GATA4: variants seen among roughly 807,000 people sequenced by gnomAD.
GATA4 encodes transcription factor GATA-4.
Under a neutral mutation model 37.9 loss-of-function variants are expected in GATA4, and 7 were observed. That is an observed-to-expected ratio of 0.18 (90% CI 0.11 to 0.35). The LOEUF (loss-of-function observed/expected upper bound fraction) is 0.35, where lower values mean the gene tolerates loss of function less well. Ranked by LOEUF, GATA4 falls within the 10% of genes least tolerant of loss-of-function variation. GATA4 has a pLI of 1.00. For missense variants in GATA4, 647 were observed against 653.0 expected, an observed-to-expected ratio of 0.99 and a Z score of 0.10; for synonymous variants, 372 against 292.6, an observed-to-expected ratio of 1.27 and a Z score of -2.77.
intron 2 of GATA4, among the ~76,000 whole-genome samples, chr8:11,711,694 A>G (rs1008170021): frequency 6.2e-5 from 9 of 146,012 alleles, no homozygotes; most frequent in African/African-American, 2.3e-4. Context: ...GGAGGCTCAC[A>G]TGAGCCCGAG....
chr8:11,748,880 C>T, intron 2 of GATA4, 36 bp from the exon 3 acceptor site: 7 of 1,610,214 alleles, frequency 4.3e-6, no homozygotes, highest in Non-Finnish European at 6.0e-6. Flanking sequence ...AGAATTAATC[C>T]TCTGTGTCTT....
upstream of GATA4, chr8:11,691,882 A>G (rs577924629): frequency 1.3e-3 from 334 of 265,872 alleles, 2 homozygotes; most frequent in African/African-American, 7.1e-3. Flanking sequence ...GACCTTTCCC[A>G]GTCCAGGGCT....
At chr8:11,723,883 C>G (rs965591196) in intron 2 of GATA4, among the ~76,000 whole-genome samples, 2 of 152,244 alleles carry the variant, frequency 1.3e-5, no homozygotes, top group East Asian at 3.9e-4. Context: ...TAAGTACATC[C>G]ACAGTATTGT....
At chr8:11,712,961 A>G (rs1308879405) in intron 2 of GATA4, among the ~76,000 whole-genome samples, 1 of 152,224 alleles carries the variant, frequency 6.6e-6, no homozygotes, top group African/African-American at 2.4e-5. Context: ...GATTTAAATA[A>G]TATATTTGTC....
rs983566366 is a variant in GATA4 at position 11,758,756 on chromosome 8, G to T, written c.*281G>T. 1 of 487,788 alleles carries T rather than the reference G, an allele frequency of 2.1e-6. No homozygotes were observed. The highest frequency in any genetic ancestry group is 3.8e-6 in the Non-Finnish European group (1 of 266,102). The allele number at this position is 487,788 out of a possible 1,614,324, so 30.2% of individuals were successfully genotyped here. A position where few individuals can be genotyped will look rare whatever the true frequency, so the allele number is the denominator to read the frequency against. On this transcript the variant is annotated 3_prime_UTR_variant, in exon 7 of 7. Coordinates refer to ENST00000532059, the MANE Select transcript of GATA4 (RefSeq NM_001308093.3). ...GAGACTTCTTTCCCAAGATGTCCTTGTCCCCTGCGTTCCCCACTGTGGCCT... is the reference window on the plus strand; with the variant it reads ...GAGACTTCTTTCCCAAGATGTCCTTTTCCCCTGCGTTCCCCACTGTGGCCT...
chr8:11,742,401 TC>T (rs1563222373), intron 2 of GATA4, among the ~76,000 whole-genome samples: 33,780 of 123,964 alleles, frequency 0.27, 5,262 homozygotes, highest in Non-Finnish European at 0.4. Context: ...TTTTTTCCTT[TC>T]CCTTTCCCTT....
intron 1 of GATA4, chr8:11,694,450 C>T (rs1647271889): frequency 2.0e-6 from 2 of 984,564 alleles, no homozygotes; most frequent in African/African-American, 1.7e-5. Flanking sequence ...TCCCCCAGAA[C>T]ATTGCGCTGC....
intron 2 of GATA4, among the ~76,000 whole-genome samples, chr8:11,715,494 A>G (rs1443134478): frequency 6.6e-6 from 1 of 152,128 alleles, no homozygotes; most frequent in Non-Finnish European, 1.5e-5. Context: ...CACACCTGTA[A>G]TCCTAGCACT....
intron 2 of GATA4, among the ~76,000 whole-genome samples, chr8:11,726,644 G>C (rs1460291111): frequency 6.6e-6 from 1 of 152,148 alleles, no homozygotes; most frequent in Non-Finnish European, 1.5e-5. Flanking sequence ...CAGAGGGGTG[G>C]AGGAGGAGCT....
At chr8:11,688,952 T>C (rs769232323), upstream of GATA4, among the ~76,000 whole-genome samples, 11 of 152,216 alleles carry the variant, frequency 7.2e-5, no homozygotes, top group Non-Finnish European at 1.0e-4. Context: ...AGGTGAGCAC[T>C]AATGAATTCT....
intron 1 of GATA4, among the ~76,000 whole-genome samples, chr8:11,680,123 A>C (rs1798907246): frequency 6.6e-6 from 1 of 152,218 alleles, no homozygotes; most frequent in South Asian, 2.1e-4. Flanking sequence ...CAGAGCGCGC[A>C]GCCCGCGGGG....
At chr8:11,748,817 G>A (rs1802151907) in intron 2 of GATA4, 99 bp from the exon 3 acceptor site, 2 of 1,365,948 alleles carry the variant, frequency 1.5e-6, no homozygotes, top group Non-Finnish European at 2.1e-6. Flanking sequence ...CAAGGAAAGG[G>A]CATTGTTTCT....
chr8:11,681,132 G>T, intron 1 of GATA4: 3 of 985,252 alleles, frequency 3.0e-6, no homozygotes, highest in Non-Finnish European at 3.6e-6. Flanking sequence ...GGAAAACCGA[G>T]CCCAGGGAAT....
chr8:11,683,186 A>G lies in GATA4; in HGVS notation c.-274+6123A>G, dbSNP rs1379668870. On this transcript the variant is annotated intron_variant, in intron 1 of 6. Transcript: ENST00000528712. ...CTCGCTATCTAATCTGGACAGCAGC[A>G]GGAACAATCCATTAGACCTCAGCAT... 3 of 925,210 alleles carry G rather than the reference A, an allele frequency of 3.2e-6. No individual in the cohort carries two copies. The African/African-American group carries it at 5.4e-5, about 17-fold the overall frequency. 57.3% of individuals were successfully genotyped at this position (925,210 alleles called of 1,614,324 possible). A position where few individuals can be genotyped will look rare whatever the true frequency, so the allele number is the denominator to read the frequency against.
In GATA4 at chr8:11,750,218, C is replaced by G. The variant is rs748786212; in HGVS notation, c.894C>G (p.Leu298=). The G allele has an allele frequency of 6.2e-7, 1 of 1,613,346 alleles. No individual in the cohort carries two copies. Among genetic ancestry groups the G allele is most frequent in the Non-Finnish European group, 8.5e-7 (1 of 1,180,052 alleles). ...EGEPVCNACG[L]YMKLHGVPRP... is the part of the protein sequence containing the mutation. ...AGCCTGTGTGCAATGCCTGCGGCCT[C>G]TACATGAAGCTCCACGGGGTACGTG... Residue 298 remains leucine, a synonymous_variant, in exon 4 of 7, where the codon CTC becomes CTG. Transcript: ENST00000532059.
intron 1 of GATA4, among the ~76,000 whole-genome samples, chr8:11,706,259 A>G (rs1799884016): frequency 6.6e-6 from 1 of 152,254 alleles, no homozygotes; most frequent in Admixed American, 6.5e-5. Context: ...GTTGCAAAAA[A>G]TGGTGAAAAG....
Position 11,758,566 on chromosome 8 carries a change from C to T in GATA4, c.*91C>T, listed in dbSNP as rs983919063. 10 of 1,266,784 alleles carry T rather than the reference C, an allele frequency of 7.9e-6. No individual in the cohort carries two copies. In the East Asian group the frequency reaches 2.1e-4, roughly 27 times the overall value. The allele number at this position is 1,266,784 out of a possible 1,614,324, so 78.5% of individuals were successfully genotyped here. ...CCCTGGGCTCCCAGGGGCCGGCCTC[C>T]TCTGCCTGGTAATGACTCCAGAACA... On this transcript the variant is annotated 3_prime_UTR_variant, in exon 7 of 7. Transcript: ENST00000532059.
rs1249347695 is a variant in GATA4 at position 11,708,503 on chromosome 8, G to A, written c.191G>A (p.Gly64Glu). 1 of 1,480,058 alleles carries A rather than the reference G, an allele frequency of 6.8e-7. No homozygotes were observed. The highest frequency in any genetic ancestry group is 2.8e-5 in the East Asian group (1 of 35,406). The allele number at this position is 1,480,058 out of a possible 1,614,324, so 91.7% of individuals were successfully genotyped here. A position where few individuals can be genotyped will look rare whatever the true frequency, so the allele number is the denominator to read the frequency against. The change falls in exon 2 of 7, where the codon GGA (glycine) becomes GAA (glutamate). Residue 64 changes from glycine (G) to glutamate (E), a missense_variant. Coordinates refer to ENST00000532059, the MANE Select transcript of GATA4 (RefSeq NM_001308093.3). The surrounding 1 kb of genome is among the most constrained non-coding windows in gnomAD (Gnocchi z 6.7). ...LQGGGAGSAS[G>E]GASGGSSGGA... ...GGCGGAGGCGCGGGCTCTGCGTCCG[G>A]AGGCGCCTCGGGCGGCAGCTCCGGT... is the stretch of plus-strand genomic sequence containing the variant.
At chr8:11,731,040 T>G (rs1801183844) in intron 2 of GATA4, among the ~76,000 whole-genome samples, 1 of 152,246 alleles carries the variant, frequency 6.6e-6, no homozygotes, top group Admixed American at 6.5e-5. Context: ...AGGATTCTCC[T>G]TTGGTCCTGA....
Sources: allele counts gnomAD v4.1 joint callset (sites outside exome capture counted in the v4.1 genomes callset), GRCh38; gene constraint gnomAD v4.1.1; non-coding constraint Gnocchi (gnomAD v3.1); transcripts MANE v1.5; gene names NCBI Gene and HGNC (gene_info 2026-07-23, HGNC 2026-07-21).